Variants in STX3 observed in about 807,000 individuals in gnomAD.
STX3 encodes syntaxin-3.
STX3 carries 19 observed loss-of-function variants against 40.2 expected under a neutral mutation model. The ratio of observed to expected loss-of-function variants is 0.47; its 90% CI spans 0.33 to 0.69. The LOEUF (loss-of-function observed/expected upper bound fraction) is 0.69. Among genes scored for constraint, STX3 ranks in the 30% least tolerant of loss-of-function variants. The probability of loss-of-function intolerance (pLI) is 0.02; values close to 1 mark genes in which losing one functional copy is unlikely to be tolerated. For synonymous variants in STX3, 122 were observed against 132.2 expected (o/e 0.92, Z 0.53); for missense variants, 364 against 366.7 (o/e 0.99, Z 0.06).
In STX3 at chr11:59,776,779, G is replaced by A. The variant is rs577844988; in HGVS notation, c.114+3485G>A. Among the ~76,000 whole-genome samples, 21 of 152,284 alleles carry A rather than the reference G, an allele frequency of 1.4e-4. No individual in the cohort carries two copies. The South Asian group carries it at 3.7e-3, about 27-fold the overall frequency. ...TTGTATCTTCTCTAGCTTCTTGATC[G>A]TTGGAAAAAAAGATTGGCCCTTGGG... On this transcript the variant is annotated intron_variant, in intron 2 of 10. Transcript: ENST00000337979.
At chr11:59,776,642 G>A (rs1863980866) in intron 2 of STX3, among the ~76,000 whole-genome samples, 1 of 152,306 alleles carries the variant, frequency 6.6e-6, no homozygotes, top group African/African-American at 2.4e-5. Context: ...GTCATCCTTG[G>A]TTATTTGCTG....
chr11:59,792,960 T>A, intron 6 of STX3, 139 bp from the exon 7 acceptor site: 1 of 740,674 alleles, frequency 1.4e-6, no homozygotes, highest in Non-Finnish European at 2.3e-6. Context: ...AGAAATAAGA[T>A]GAGTCAGGAG....
At chr11:59,772,974 AACACACACACACAC>A (rs3035302) in intron 1 of STX3, among the ~76,000 whole-genome samples, 14 of 140,588 alleles carry the variant, frequency 1.0e-4, no homozygotes, top group South Asian at 6.9e-4. Context: ...CCCTGAAAGA[AACACACACACACAC>A]ACACACACAC....
At chr11:59,779,465 A>T (rs1273081685) in intron 2 of STX3, among the ~76,000 whole-genome samples, 1 of 152,216 alleles carries the variant, frequency 6.6e-6, no homozygotes, top group Non-Finnish European at 1.5e-5. Context: ...GTACCATCCC[A>T]TTGGGGATTA....
intron 2 of STX3, among the ~76,000 whole-genome samples, chr11:59,779,370 C>T (rs77756205): frequency 0.013 from 1,919 of 152,300 alleles, 47 homozygotes; most frequent in African/African-American, 0.044. Context: ...GCTCTTTGGC[C>T]TCTGCTTATA....
chr11:59,780,447 A>T (rs1864292868), intron 2 of STX3, among the ~76,000 whole-genome samples: 1 of 152,218 alleles, frequency 6.6e-6, no homozygotes, highest in Non-Finnish European at 1.5e-5. Context: ...CCTGTGTTTA[A>T]GCCACCTAGG....
chr11:59,802,990 G>C lies in STX3; in HGVS notation c.*2166G>C, dbSNP rs1865950137. 1 of 984,784 alleles carries C rather than the reference G, an allele frequency of 1.0e-6. No homozygotes were observed. Among genetic ancestry groups the C allele is most frequent in the Non-Finnish European group, 1.2e-6 (1 of 829,880 alleles). 61.0% of individuals were successfully genotyped at this position (984,784 alleles called of 1,614,324 possible). On this transcript the variant is annotated 3_prime_UTR_variant, in exon 11 of 11. Coordinates refer to ENST00000337979, the MANE Select transcript of STX3 (RefSeq NM_004177.5). ...AGATCTGTCACGATGTTATCTAGAA[G>C]GTGGAATGACCATACCAAACATCCT...
At chr11:59,757,159 G>A (rs1862762976) in intron 1 of STX3, among the ~76,000 whole-genome samples, 1 of 152,146 alleles carries the variant, frequency 6.6e-6, no homozygotes, top group South Asian at 2.1e-4. Context: ...TGCTCACGGG[G>A]TAGGAGGGAT....
intron 8 of STX3, 62 bp from the exon 9 acceptor site, chr11:59,795,310 C>T (rs2135028006): frequency 7.4e-7 from 1 of 1,357,366 alleles, no homozygotes; most frequent in East Asian, 2.4e-5. Flanking sequence ...AATCCCTTCC[C>T]CGCATTGGCT....
intron 1 of STX3, 116 bp from the exon 2 acceptor site, chr11:59,773,095 T>C (rs1369278507): frequency 1.0e-6 from 1 of 1,001,480 alleles, no homozygotes; most frequent in Non-Finnish European, 1.5e-6. Context: ...GTTATGAGTT[T>C]TAAAGGAAAT....
At chr11:59,783,177 G>T (rs1224604979) in intron 2 of STX3, among the ~76,000 whole-genome samples, 1 of 152,160 alleles carries the variant, frequency 6.6e-6, no homozygotes, top group Non-Finnish European at 1.5e-5. Context: ...AGAAGACAGA[G>T]AAATAAGGAT....
chr11:59,765,610 C>T (rs1174233639), intron 1 of STX3, among the ~76,000 whole-genome samples: 1 of 152,056 alleles, frequency 6.6e-6, no homozygotes, highest in Non-Finnish European at 1.5e-5. Context: ...CCAAGACCAG[C>T]CTGAGCTACA....
chr11:59,759,571 G>A (rs1441976631), intron 1 of STX3, among the ~76,000 whole-genome samples: 1 of 152,230 alleles, frequency 6.6e-6, no homozygotes, highest in Non-Finnish European at 1.5e-5. Context: ...GTATGGAATA[G>A]AGGTTGAAGG....
rs1866046133 is a variant in STX3 at position 59,805,242 on chromosome 11, C to G, written c.*4418C>G. 6.7e-6 allele frequency: 1 copy of G among 150,112 alleles called. No homozygotes were observed. Among genetic ancestry groups the G allele is most frequent in the Non-Finnish European group, 1.5e-5 (1 of 67,692 alleles). The allele number at this position is 150,112 out of a possible 1,614,324, so 9.3% of individuals were successfully genotyped here. A position where few individuals can be genotyped will look rare whatever the true frequency, so the allele number is the denominator to read the frequency against. ...ACTTAATACTGTCCCCAATTCCATTCAAGGTTCAGTTGTGTTCAGCTTTAA... is the reference window on the plus strand; with the variant it reads ...ACTTAATACTGTCCCCAATTCCATTGAAGGTTCAGTTGTGTTCAGCTTTAA... On this transcript the variant is annotated 3_prime_UTR_variant, in exon 11 of 11. Transcript: ENST00000337979.
At chr11:59,778,421 C>G (rs1040474470) in intron 2 of STX3, among the ~76,000 whole-genome samples, 3 of 152,172 alleles carry the variant, frequency 2.0e-5, no homozygotes, top group Admixed American at 6.5e-5. Context: ...GAAGGGACAC[C>G]AGGAAAGTGA....
In STX3 at chr11:59,805,699, C is replaced by G. The variant is rs1390824593; in HGVS notation, c.*4875C>G. 6.6e-6 allele frequency: 1 copy of G among 152,492 alleles called. No individual in the cohort carries two copies. The highest frequency in any genetic ancestry group is 2.4e-5 in the African/African-American group (1 of 41,448). 9.4% of individuals were successfully genotyped at this position (152,492 alleles called of 1,614,324 possible). ...ATTCTGCAGGGGCACAAACATAGAG[C>G]CAAACACTCTCCCTCTTGGAGAATT... On this transcript the variant is annotated 3_prime_UTR_variant, in exon 11 of 11. Transcript: ENST00000337979.
rs145090652 is a variant in STX3, at chr11:59,783,611, T to C, written c.115-3426T>C. Among the ~76,000 whole-genome samples, 226 of 152,340 alleles carry C rather than the reference T, an allele frequency of 1.5e-3. 5 individuals are homozygous for C. The East Asian group carries it at 0.036, about 24-fold the overall frequency. On this transcript the variant is annotated intron_variant, in intron 2 of 10. Transcript: ENST00000337979. ...ATGCAATAGCCCTTAAACTTTTAGA[T>C]TGGGCACTTGTCAGTTTCCTATACC...
chr11:59,800,967 C>T lies in STX3; in HGVS notation c.*143C>T, dbSNP rs1865860257. ...CCGTTCCTTTGTTTCCTTGCAACCA[C>T]CCTTGGACCTGACTCAGCTAACAAT... On this transcript the variant is annotated 3_prime_UTR_variant, in exon 11 of 11. Coordinates refer to ENST00000337979, the MANE Select transcript of STX3 (RefSeq NM_004177.5). 4 of 1,535,024 alleles carry T rather than the reference C, an allele frequency of 2.6e-6. No homozygotes were observed. The African/African-American group carries it at 4.1e-5, about 16-fold the overall frequency.
upstream of STX3, chr11:59,755,265 G>T (rs769689955): frequency 4.9e-6 from 1 of 202,970 alleles, no homozygotes; most frequent in Non-Finnish European, 9.8e-6. Context: ...AGACGCCCCG[G>T]GCGGCCGGGC....
Sources: gnomAD v4.1 joint callset for allele counts (sites outside exome capture counted in the v4.1 genomes callset) on GRCh38, gnomAD v4.1.1 for gene constraint, MANE v1.5 for transcripts, NCBI Gene and HGNC (gene_info 2026-07-23, HGNC 2026-07-21) for gene names.